The following CNTNAP2 variants were observed in gnomAD, a reference collection of about 807,000 sequenced individuals.
The protein encoded by CNTNAP2 is contactin-associated protein-like 2.
In CNTNAP2, 98 loss-of-function variants were observed where a neutral mutation model predicts 155.2. The observed-to-expected ratio is 0.63, with a 90% confidence interval of 0.54 to 0.75. The LOEUF (loss-of-function observed/expected upper bound fraction) is 0.75, where lower values mean the gene tolerates loss of function less well. Among genes scored for constraint, CNTNAP2 ranks in the 30% least tolerant of loss-of-function variants. CNTNAP2 has a pLI of 0.00. For synonymous variants in CNTNAP2, 651 were observed against 631.2 expected (o/e 1.03, Z -0.47); for missense variants, 1,727 against 1,688.1 (o/e 1.02, Z -0.40).
At chr7:146,604,858 G>T (rs1417800073) in intron 1 of CNTNAP2, among the ~76,000 whole-genome samples, 1 of 142,878 alleles carries the variant, frequency 7.0e-6, no homozygotes, top group African/African-American at 2.5e-5. Context: ...CTCACTCATA[G>T]GTGGGAATTG....
intron 21 of CNTNAP2, among the ~76,000 whole-genome samples, chr7:148,322,490 G>C (rs140330839): frequency 8.1e-4 from 124 of 152,262 alleles, no homozygotes; most frequent in African/African-American, 2.8e-3. Flanking sequence ...ACCTCTCTAG[G>C]ATAACTTTTG....
chr7:148,089,904 G>T (rs1006930318), intron 15 of CNTNAP2, among the ~76,000 whole-genome samples: 1 of 151,814 alleles, frequency 6.6e-6, no homozygotes. Flanking sequence ...AATAAAAACA[G>T]CATAGACTAG....
At chr7:146,198,917 T>A (rs1798816699) in intron 1 of CNTNAP2, among the ~76,000 whole-genome samples, 1 of 152,192 alleles carries the variant, frequency 6.6e-6, no homozygotes, top group African/African-American at 2.4e-5. Context: ...CATCTATTCT[T>A]TCAAGAATTA....
intron 13 of CNTNAP2, among the ~76,000 whole-genome samples, chr7:147,822,164 A>G (rs1464139401): frequency 6.6e-6 from 1 of 152,096 alleles, no homozygotes; most frequent in East Asian, 1.9e-4. Context: ...AATATGATGG[A>G]AAGTGGATGG....
intron 1 of CNTNAP2, among the ~76,000 whole-genome samples, chr7:146,152,325 G>A (rs763157408): frequency 6.6e-6 from 1 of 152,072 alleles, no homozygotes; most frequent in Non-Finnish European, 1.5e-5. Context: ...TGCTGTCATA[G>A]AAGTAATGAG....
At chr7:146,433,675 G>C (rs940451119) in intron 1 of CNTNAP2, among the ~76,000 whole-genome samples, 1 of 152,162 alleles carries the variant, frequency 6.6e-6, no homozygotes, top group Non-Finnish European at 1.5e-5. Context: ...ATTGCAAAAT[G>C]CTTCTCTATA....
intron 1 of CNTNAP2, among the ~76,000 whole-genome samples, chr7:146,757,708 T>C (rs1802017165): frequency 6.6e-6 from 1 of 152,140 alleles, no homozygotes; most frequent in South Asian, 2.1e-4. Context: ...AAAATATAGG[T>C]GTTGGGAAAA....
intron 8 of CNTNAP2, among the ~76,000 whole-genome samples, chr7:147,279,539 T>G (rs912834899): frequency 6.6e-6 from 1 of 151,836 alleles, no homozygotes; most frequent in Non-Finnish European, 1.5e-5. Flanking sequence ...TTTGTCTTCT[T>G]CAGTATCATC....
chr7:146,988,401 A>C (rs1466245806), intron 3 of CNTNAP2, among the ~76,000 whole-genome samples: 1 of 152,086 alleles, frequency 6.6e-6, no homozygotes, highest in Non-Finnish European at 1.5e-5. Context: ...TAGCCACTAT[A>C]TAGGTTTTGT....
chr7:146,847,686 C>T (rs1253399729), intron 3 of CNTNAP2, among the ~76,000 whole-genome samples: 1 of 152,094 alleles, frequency 6.6e-6, no homozygotes, highest in Non-Finnish European at 1.5e-5. Flanking sequence ...GGTGTGTGTA[C>T]TGTATTACAT....
In CNTNAP2 at chr7:147,337,832, T is replaced by C. The variant is rs900774553; in HGVS notation, c.1498+37542T>C. ...CTCCAATTAGTATCCATTTTGAGCA[T>C]TGGAATAGAAGAAAAATAACTCTAG... is the stretch of plus-strand genomic sequence containing the variant. On this transcript the variant is annotated intron_variant, in intron 9 of 23. Coordinates refer to ENST00000361727, the MANE Select transcript of CNTNAP2 (RefSeq NM_014141.6). Among the ~76,000 whole-genome samples the C allele has an allele frequency of 7.9e-5, 12 of 152,124 alleles. 1 individual carries two copies. Among genetic ancestry groups the C allele is most frequent in the African/African-American group, 2.9e-4 (12 of 41,424 alleles).
chr7:146,428,904 A>G (rs1365668043), intron 1 of CNTNAP2, among the ~76,000 whole-genome samples: 1 of 151,780 alleles, frequency 6.6e-6, no homozygotes, highest in Non-Finnish European at 1.5e-5. Flanking sequence ...TTAGTATTTA[A>G]TCTCTCTTGG....
intron 8 of CNTNAP2, among the ~76,000 whole-genome samples, chr7:147,174,159 TTC>T (rs1449591184): frequency 6.6e-6 from 1 of 152,148 alleles, no homozygotes; most frequent in Non-Finnish European, 1.5e-5. Flanking sequence ...ACTGTAGTTT[TTC>T]TGTCTCAAAA....
At chr7:146,744,529 G>A (rs1258855416) in intron 1 of CNTNAP2, among the ~76,000 whole-genome samples, 4 of 152,114 alleles carry the variant, frequency 2.6e-5, no homozygotes, top group Admixed American at 1.3e-4. Flanking sequence ...GAGTCTTTAC[G>A]ATGCCAACAT....
At chr7:146,718,967 T>C (rs1342446175) in intron 1 of CNTNAP2, among the ~76,000 whole-genome samples, 3 of 152,170 alleles carry the variant, frequency 2.0e-5, no homozygotes, top group African/African-American at 7.2e-5. Context: ...ATACGCTAAC[T>C]GAAAGTAGAA....
intron 15 of CNTNAP2, among the ~76,000 whole-genome samples, chr7:148,061,954 TATAGATAGATAG>T (rs10535597): frequency 0.037 from 3,552 of 95,822 alleles, 139 homozygotes; most frequent in African/African-American, 0.06. Flanking sequence ...GATAAACAGA[TATAGATAGATAG>T]ATAGATAGAT....
chr7:147,604,164 C>G (rs1345939511), intron 12 of CNTNAP2, among the ~76,000 whole-genome samples: 1 of 151,834 alleles, frequency 6.6e-6, no homozygotes, highest in African/African-American at 2.4e-5. Flanking sequence ...TAGGCGTGGG[C>G]AAGGACTTCA....
At chr7:146,793,874 T>TC (rs1802721519) in intron 2 of CNTNAP2, among the ~76,000 whole-genome samples, 2 of 152,214 alleles carry the variant, frequency 1.3e-5, no homozygotes, top group African/African-American at 4.8e-5. Flanking sequence ...AAAACTTCTT[T>TC]CAGTTAAGGC....
chr7:147,695,286 G>A (rs1027602765), intron 13 of CNTNAP2, among the ~76,000 whole-genome samples: 1 of 152,110 alleles, frequency 6.6e-6, no homozygotes, highest in Admixed American at 6.6e-5. Context: ...TATTTTATGT[G>A]AGTCTGAGAG....
Sources: gnomAD v4.1 joint callset for allele counts (sites outside exome capture counted in the v4.1 genomes callset) on GRCh38, gnomAD v4.1.1 for gene constraint, MANE v1.5 for transcripts, NCBI Gene and HGNC (gene_info 2026-07-23, HGNC 2026-07-21) for gene names.